GBE1: variants seen among roughly 807,000 people sequenced by gnomAD.
GBE1 encodes 1,4-alpha-glucan-branching enzyme.
Under a neutral mutation model 88.8 loss-of-function variants are expected in GBE1, and 70 were observed. The ratio of observed to expected loss-of-function variants is 0.79; its 90% confidence interval spans 0.65 to 0.96. GBE1 has a LOEUF of 0.96. Ranked by LOEUF, GBE1 falls within the 40% of genes least tolerant of loss-of-function variation. The pLI, the probability that GBE1 is intolerant of heterozygous loss-of-function variation, is 0.00. For missense variants in GBE1, 872 were observed against 871.0 expected (o/e 1.00, Z -0.01); for synonymous variants, 284 against 300.1 (o/e 0.95, Z 0.56).
chr3:81,551,787 A>G (rs1703274721), intron 12 of GBE1, among the ~76,000 whole-genome samples: 1 of 152,222 alleles, frequency 6.6e-6, no homozygotes, highest in Non-Finnish European at 1.5e-5. Context: ...CCTTGGCAAA[A>G]TAAACTTTCT....
rs146863366 is a variant in GBE1 at position 81,497,487 on chromosome 3, A to G, written c.2052+1623T>C. On this transcript the variant is annotated intron_variant, in intron 15 of 15. Transcript: ENST00000429644. ...AGGGAAGATAATATGAATCATCTTC[A>G]TTTTACAGGTGGGGGAAACTGCAGT... 2.2e-3 allele frequency among the ~76,000 whole-genome samples: 337 copies of G among 152,280 alleles called. 1 individual carries two copies. The highest frequency in any genetic ancestry group is 7.7e-3 in the African/African-American group (321 of 41,568).
rs148044804 is a variant in GBE1, at chr3:81,712,321, T to C, written c.144-6708A>G. ...TATTGGGTATGTACCCAAAGGATTA[T>C]AAATCATGCTGCTATAGACACATGC... On this transcript the variant is annotated intron_variant, in intron 1 of 15. Coordinates refer to ENST00000429644, the MANE Select transcript of GBE1 (RefSeq NM_000158.4). Among the ~76,000 whole-genome samples, 312 of 152,332 alleles carry C rather than the reference T, an allele frequency of 2.0e-3. 8 individuals carry two copies. In the East Asian group the frequency reaches 0.048, roughly 24 times the overall value.
chr3:81,724,364 GATA>G (rs1363904687), intron 1 of GBE1, among the ~76,000 whole-genome samples: 3 of 152,094 alleles, frequency 2.0e-5, no homozygotes, highest in African/African-American at 4.8e-5. Flanking sequence ...TTCCCAATAT[GATA>G]ATAAGTGCAT....
chr3:81,500,858 C>T (rs1702577124), intron 14 of GBE1, among the ~76,000 whole-genome samples: 1 of 152,082 alleles, frequency 6.6e-6, no homozygotes, highest in Non-Finnish European at 1.5e-5. Flanking sequence ...TCTTTGTGTC[C>T]ATGTTACTCA....
chr3:81,514,716 A>C (rs1278490658), intron 14 of GBE1, among the ~76,000 whole-genome samples: 1 of 151,688 alleles, frequency 6.6e-6, no homozygotes, highest in East Asian at 1.9e-4. Context: ...TAATTTTAAG[A>C]AATCATCTGG....
intron 3 of GBE1, among the ~76,000 whole-genome samples, chr3:81,666,812 GTGTT>G (rs1164102631): frequency 1.3e-5 from 2 of 152,114 alleles, no homozygotes; most frequent in African/African-American, 4.8e-5. Flanking sequence ...TCTAAATTAT[GTGTT>G]TATTTTAGCC....
chr3:81,707,112 T>C (rs990667286), intron 1 of GBE1, among the ~76,000 whole-genome samples: 1 of 151,924 alleles, frequency 6.6e-6, no homozygotes, highest in African/African-American at 2.4e-5. Context: ...AATCCACATA[T>C]TAAAAAGAGC....
chr3:81,754,310 G>A (rs1172970229), intron 1 of GBE1, among the ~76,000 whole-genome samples: 6 of 151,534 alleles, frequency 4.0e-5, no homozygotes, highest in South Asian at 2.1e-4. Flanking sequence ...AAATACAAGA[G>A]GACACCAAAA....
chr3:81,548,305 A>C (rs1703233959), intron 12 of GBE1, among the ~76,000 whole-genome samples: 1 of 151,540 alleles, frequency 6.6e-6, no homozygotes, highest in Non-Finnish European at 1.5e-5. Context: ...ATTTGGGTAG[A>C]CATGTCAATG....
At chr3:81,641,031 T>C (rs963846430) in intron 7 of GBE1, among the ~76,000 whole-genome samples, 19 of 152,154 alleles carry the variant, frequency 1.2e-4, no homozygotes, top group East Asian at 3.9e-4. Flanking sequence ...GTTTAGAAAA[T>C]TGGCTAAGTT....
intron 13 of GBE1, among the ~76,000 whole-genome samples, chr3:81,536,147 G>T (rs978804000): frequency 6.6e-6 from 1 of 151,722 alleles, no homozygotes; most frequent in South Asian, 2.1e-4. Flanking sequence ...ACTAATAAAC[G>T]TGATTAGGGC....
chr3:81,567,495 C>T (rs1359311530), intron 12 of GBE1, among the ~76,000 whole-genome samples: 1 of 152,154 alleles, frequency 6.6e-6, no homozygotes, highest in Non-Finnish European at 1.5e-5. Context: ...TCATTTGAGT[C>T]TTTCAAAGAA....
At chr3:81,563,178 C>T (rs901421007) in intron 12 of GBE1, among the ~76,000 whole-genome samples, 3 of 152,048 alleles carry the variant, frequency 2.0e-5, no homozygotes, top group African/African-American at 7.2e-5. Flanking sequence ...TAAAATGAAG[C>T]CTCTGATCAA....
chr3:81,522,524 T>TCTC (rs1230910522), intron 14 of GBE1, among the ~76,000 whole-genome samples: 1 of 151,328 alleles, frequency 6.6e-6, no homozygotes, highest in African/African-American at 2.4e-5. Context: ...TTGGAAATGC[T>TCTC]CTCCTGCTCC....
chr3:81,695,949 G>T (rs1178329425), intron 2 of GBE1, among the ~76,000 whole-genome samples: 5 of 152,092 alleles, frequency 3.3e-5, no homozygotes, highest in Non-Finnish European at 7.4e-5. Context: ...GGGGTCTCTG[G>T]CAGTCATAAT....
At position 81,743,335 on chromosome 3, in the gene GBE1, AAG is replaced by A. The variant is rs1369440772; in HGVS notation, c.143+18038_143+18039del. 2.6e-5 allele frequency among the ~76,000 whole-genome samples: 4 copies of A among 152,156 alleles called. No homozygotes were observed. The East Asian group carries it at 7.7e-4, about 29-fold the overall frequency. ...AGTTATATATGCAAATATAAATAAA[AAG>A]TATGAACACTGAAGAAACTACCATC... On this transcript the variant is annotated intron_variant, in intron 1 of 15. Coordinates refer to ENST00000429644, the MANE Select transcript of GBE1 (RefSeq NM_000158.4).
chr3:81,528,223 G>A (rs1011858945), intron 14 of GBE1, among the ~76,000 whole-genome samples: 1 of 140,838 alleles, frequency 7.1e-6, no homozygotes, highest in Non-Finnish European at 1.5e-5. Flanking sequence ...GTTGTGGGGT[G>A]GGAGGAGGGG....
At chr3:81,701,124 CAA>C (rs1041123098) in intron 2 of GBE1, among the ~76,000 whole-genome samples, 77 of 152,168 alleles carry the variant, frequency 5.1e-4, no homozygotes, top group African/African-American at 1.8e-3. Flanking sequence ...GCAGATGATT[CAA>C]AGTTTTAGAA....
chr3:81,523,417 A>T (rs1486787888), intron 14 of GBE1, among the ~76,000 whole-genome samples: 2 of 151,662 alleles, frequency 1.3e-5, no homozygotes, highest in East Asian at 3.9e-4. Flanking sequence ...TTGATACAGG[A>T]TACAATATGT....
Sources: gnomAD v4.1 joint callset for allele counts (sites outside exome capture counted in the v4.1 genomes callset) on GRCh38, gnomAD v4.1.1 for gene constraint, MANE v1.5 for transcripts, NCBI Gene and HGNC (gene_info 2026-07-23, HGNC 2026-07-21) for gene names.